The following DCAF6 variants were observed in gnomAD, a reference collection of about 807,000 sequenced individuals.
The protein encoded by DCAF6 is DDB1 and CUL4 associated factor 6.
DCAF6 carries 54 observed loss-of-function variants against 125.1 expected under a neutral mutation model. The observed-to-expected ratio is 0.43, with a 90% CI of 0.35 to 0.54. DCAF6 has a LOEUF of 0.54. Ranked by LOEUF, DCAF6 falls within the 20% of genes least tolerant of loss-of-function variation. The pLI is 0.01. For missense variants in DCAF6, 934 were observed against 1,161.7 expected, an observed-to-expected ratio of 0.80 and a Z score of 2.85; for synonymous variants, 371 against 390.4, an observed-to-expected ratio of 0.95 and a Z score of 0.58.
rs1022682466 is a variant in DCAF6 at position 168,003,142 on chromosome 1, A to G, written c.997+567A>G. Among the ~76,000 whole-genome samples, 39 of 152,170 alleles carry G rather than the reference A, an allele frequency of 2.6e-4. 2 individuals are homozygous for G. The highest frequency in any genetic ancestry group is 1.6e-4 in the Non-Finnish European group (11 of 68,028). ...CTTGTGATCAAAAGCATATTCCCCA[A>G]TATATGAGCTACATTATATAAAGGC... On this transcript the variant is annotated intron_variant, in intron 8 of 21. Transcript: ENST00000367840.
chr1:167,894,366 T>C, the DCAF6 span, among the ~76,000 whole-genome samples: 124 of 152,292 alleles, frequency 8.1e-4, 1 homozygote, highest in African/African-American at 2.9e-3. Flanking sequence ...GATCTCAGGC[T>C]TGATACCGCT....
intron 12 of DCAF6, among the ~76,000 whole-genome samples, chr1:168,033,377 G>A (rs1039871287): frequency 6.7e-5 from 10 of 148,998 alleles, no homozygotes; most frequent in South Asian, 2.1e-4. Flanking sequence ...CTGCAGTGGC[G>A]CAATCTCGGC....
At chr1:167,931,249 ATTC>A (rs1438402254), upstream of DCAF6, among the ~76,000 whole-genome samples, 4 of 152,012 alleles carry the variant, frequency 2.6e-5, no homozygotes, top group Admixed American at 6.6e-5. Flanking sequence ...CTTTTTATGA[ATTC>A]TTCTGAGAAT....
chr1:168,036,016 C>T (rs913436843), intron 12 of DCAF6, among the ~76,000 whole-genome samples: 1 of 151,970 alleles, frequency 6.6e-6, no homozygotes, highest in Non-Finnish European at 1.5e-5. Flanking sequence ...GGGCCGAGAT[C>T]GCGCCATTGC....
chr1:167,899,696 T>TGGGG, the DCAF6 span: 2 of 1,480,784 alleles, frequency 1.4e-6, no homozygotes, highest in Non-Finnish European at 1.9e-6. Context: ...CACAGGTTTT[T>TGGGG]GGAAAAACCA....
intron 11 of DCAF6, among the ~76,000 whole-genome samples, chr1:168,018,250 T>C (rs565340417): frequency 2.0e-5 from 3 of 152,344 alleles, no homozygotes; most frequent in Admixed American, 6.5e-5. Flanking sequence ...TAGTTGCTGA[T>C]ATTTCTTGGC....
At chr1:167,898,338 C>G in the DCAF6 span, among the ~76,000 whole-genome samples, 1 of 152,096 alleles carries the variant, frequency 6.6e-6, no homozygotes, top group Non-Finnish European at 1.5e-5. Flanking sequence ...TGGTGGCTTA[C>G]ACCTATAATC....
intron 3 of DCAF6, among the ~76,000 whole-genome samples, chr1:167,973,889 G>A (rs1228907974): frequency 2.0e-5 from 3 of 152,000 alleles, no homozygotes; most frequent in African/African-American, 7.2e-5. Flanking sequence ...ATATCTTTGG[G>A]GTAAATTCCT....
intron 7 of DCAF6, among the ~76,000 whole-genome samples, chr1:168,001,079 T>C (rs1360884709): frequency 6.6e-6 from 1 of 152,070 alleles, no homozygotes; most frequent in African/African-American, 2.4e-5. Context: ...AGTGGGAGGA[T>C]TGCTTGAGGC....
In DCAF6 at chr1:168,043,058, G is replaced by A. The variant is rs1688751654; in HGVS notation, c.1761G>A (p.Gly587=). Reference sequence around the variant, plus strand: ...TAGCATCAAGTTCTAGAGGAATTGGGAGCCATTGCAAATCTGAGGGTCAGG... The same window carrying A: ...TAGCATCAAGTTCTAGAGGAATTGGAAGCCATTGCAAATCTGAGGGTCAGG... ...SSIASSSRGI[G]SHCKSEGQEE... is the part of the protein sequence containing the mutation. The change falls in exon 14 of 22, where the codon GGG becomes GGA. Residue 587 remains glycine (G), a synonymous_variant. Transcript: ENST00000367840. The A allele has an allele frequency of 1.2e-6, 2 of 1,612,512 alleles. No individual in the cohort carries two copies. Among genetic ancestry groups the A allele is most frequent in the African/African-American group, 2.7e-5 (2 of 74,760 alleles).
At chr1:168,068,150 T>A (rs1692581814) in intron 20 of DCAF6, among the ~76,000 whole-genome samples, 1 of 152,118 alleles carries the variant, frequency 6.6e-6, no homozygotes, top group Non-Finnish European at 1.5e-5. Context: ...TTTGAAAGAG[T>A]TGTGTTCTTT....
At chr1:168,057,099 A>T (rs1031692940) in intron 17 of DCAF6, among the ~76,000 whole-genome samples, 3 of 152,024 alleles carry the variant, frequency 2.0e-5, no homozygotes, top group African/African-American at 7.3e-5. Context: ...TGTTTTTTCC[A>T]CCCTAAAAAG....
chr1:167,936,662 A>G (rs1671262929), upstream of DCAF6: 1 of 434,120 alleles, frequency 2.3e-6, no homozygotes, highest in South Asian at 2.9e-5. Flanking sequence ...GGGCTGAGGG[A>G]GGAGACTGTT....
the DCAF6 span, among the ~76,000 whole-genome samples, chr1:167,887,551 G>T: frequency 6.6e-6 from 1 of 151,978 alleles, no homozygotes; most frequent in African/African-American, 2.4e-5. Context: ...GTCGTGGGCT[G>T]GGGGGAAGGG....
the DCAF6 span, among the ~76,000 whole-genome samples, chr1:167,925,322 G>A: frequency 9.9e-5 from 15 of 151,136 alleles, no homozygotes; most frequent in Non-Finnish European, 1.6e-4. Flanking sequence ...TTACCTAATA[G>A]AATGTAGAAT....
rs78740771 is a variant in DCAF6, at chr1:167,986,631, A to G, written c.439-864A>G. 8.1e-3 allele frequency among the ~76,000 whole-genome samples: 1,230 copies of G among 152,254 alleles called. 14 individuals carry two copies. The highest frequency in any genetic ancestry group is 0.027 in the African/African-American group (1,139 of 41,534). On this transcript the variant is annotated intron_variant, in intron 4 of 21. Coordinates refer to ENST00000367840, the MANE Select transcript of DCAF6 (RefSeq NM_001198956.2). ...ATTAGCTTCTCATAAGGAGTGCACA[A>G]CCTGTGAGAAACAGTTCACCATAGT...
At chr1:168,037,966 A>G (rs1176435032) in intron 12 of DCAF6, among the ~76,000 whole-genome samples, 1 of 152,196 alleles carries the variant, frequency 6.6e-6, no homozygotes, top group East Asian at 1.9e-4. Flanking sequence ...CTTGTATCTT[A>G]CATCTCAGTG....
intron 1 of DCAF6, among the ~76,000 whole-genome samples, chr1:167,942,204 A>G (rs972031140): frequency 2.0e-5 from 3 of 151,980 alleles, no homozygotes; most frequent in African/African-American, 7.3e-5. Context: ...TAGCTGGGAT[A>G]TGGGCATGCG....
At chr1:167,991,627 A>C (rs1045452099) in intron 6 of DCAF6, among the ~76,000 whole-genome samples, 4 of 152,094 alleles carry the variant, frequency 2.6e-5, no homozygotes, top group African/African-American at 9.7e-5. Context: ...ATTCTCTTAA[A>C]TTTCTGGAGG....
Sources: gnomAD v4.1 joint callset for allele counts (sites outside exome capture counted in the v4.1 genomes callset) on GRCh38, gnomAD v4.1.1 for gene constraint, MANE v1.5 for transcripts, NCBI Gene and HGNC (gene_info 2026-07-23, HGNC 2026-07-21) for gene names.